Variants in ST6GALNAC3 observed in about 807,000 individuals in gnomAD.
ST6GALNAC3 encodes the protein ST6 N-acetylgalactosaminide alpha-2,6-sialyltransferase 3.
In ST6GALNAC3, 25 loss-of-function variants were observed where a neutral mutation model predicts 32.7. That is an observed-to-expected ratio of 0.76 (90% confidence interval 0.56 to 1.07). The LOEUF (loss-of-function observed/expected upper bound fraction) is 1.07. ST6GALNAC3 is among the 50% of genes least tolerant of loss of function. ST6GALNAC3 has a pLI of 0.00. For missense variants in ST6GALNAC3, 355 were observed against 382.4 expected, an observed-to-expected ratio of 0.93 and a Z score of 0.60; for synonymous variants, 129 against 133.1, an observed-to-expected ratio of 0.97 and a Z score of 0.21.
intron 3 of ST6GALNAC3, among the ~76,000 whole-genome samples, chr1:76,524,085 GT>G (rs1262385265): frequency 6.6e-6 from 1 of 151,846 alleles, no homozygotes; most frequent in Non-Finnish European, 1.5e-5. Flanking sequence ...TTTTGTGTTT[GT>G]TTTGTTTTAA....
At chr1:76,623,934 C>T (rs945942540) in intron 3 of ST6GALNAC3, among the ~76,000 whole-genome samples, 5 of 151,864 alleles carry the variant, frequency 3.3e-5, no homozygotes, top group African/African-American at 4.8e-5. Context: ...TGGATTCATC[C>T]AGAAGTTGTC....
intron 2 of ST6GALNAC3, among the ~76,000 whole-genome samples, chr1:76,336,898 T>C (rs897279964): frequency 1.3e-5 from 2 of 152,116 alleles, no homozygotes; most frequent in African/African-American, 4.8e-5. Context: ...TCTTAGTTGC[T>C]CCCCCTCCTC....
chr1:76,601,201 CAAA>C (rs1435156698), intron 3 of ST6GALNAC3, among the ~76,000 whole-genome samples: 1 of 151,298 alleles, frequency 6.6e-6, no homozygotes, highest in Non-Finnish European at 1.5e-5. Flanking sequence ...CTGTCAAAAA[CAAA>C]GAAGGAAGGA....
intron 2 of ST6GALNAC3, among the ~76,000 whole-genome samples, chr1:76,380,413 A>T (rs10782617): frequency 6.6e-6 from 1 of 152,092 alleles, no homozygotes; most frequent in East Asian, 1.9e-4. Context: ...TGCTATTGTT[A>T]GAATTGAACA....
intron 2 of ST6GALNAC3, among the ~76,000 whole-genome samples, chr1:76,356,434 TA>T (rs3079481): frequency 2.8e-4 from 34 of 120,366 alleles, no homozygotes; most frequent in African/African-American, 3.3e-4. Flanking sequence ...ACAGTAGGGT[TA>T]AAAAAAAAAA....
intron 1 of ST6GALNAC3, among the ~76,000 whole-genome samples, chr1:76,229,733 G>A (rs1407587199): frequency 6.6e-6 from 1 of 152,140 alleles, no homozygotes; most frequent in African/African-American, 2.4e-5. Context: ...TGGGGTGGGG[G>A]CTGTGGCTGA....
intron 1 of ST6GALNAC3, among the ~76,000 whole-genome samples, chr1:76,300,648 A>C (rs1001716458): frequency 4.6e-5 from 7 of 152,134 alleles, no homozygotes; most frequent in East Asian, 3.9e-4. Context: ...CATTATGTTG[A>C]GAGGATTCTG....
intron 1 of ST6GALNAC3, chr1:76,309,890 G>A (rs185703499): frequency 2.8e-4 from 129 of 453,264 alleles, no homozygotes; most frequent in African/African-American, 2.5e-3. Context: ...GCAGACATGG[G>A]TTGCCAGGGA....
intron 1 of ST6GALNAC3, among the ~76,000 whole-genome samples, chr1:76,306,687 G>A (rs1338027371): frequency 1.3e-4 from 10 of 78,186 alleles, no homozygotes; most frequent in Admixed American, 2.5e-4. Flanking sequence ...TTTGGGGGGC[G>A]GGGGGTGCAG....
intron 1 of ST6GALNAC3, among the ~76,000 whole-genome samples, chr1:76,240,968 T>C (rs1049442702): frequency 6.6e-6 from 1 of 152,192 alleles, no homozygotes; most frequent in African/African-American, 2.4e-5. Flanking sequence ...ATATAATCTT[T>C]TTATTTACCT....
intron 3 of ST6GALNAC3, among the ~76,000 whole-genome samples, chr1:76,503,624 G>T (rs573343522): frequency 6.6e-6 from 1 of 152,304 alleles, no homozygotes; most frequent in African/African-American, 2.4e-5. Flanking sequence ...AAGGAGCTTT[G>T]AGAAAGCTGG....
At chr1:76,396,053 A>T (rs1486808315) in intron 2 of ST6GALNAC3, among the ~76,000 whole-genome samples, 2 of 152,244 alleles carry the variant, frequency 1.3e-5, no homozygotes, top group African/African-American at 4.8e-5. Context: ...CATTCTATGC[A>T]TGCAACAAAA....
At chr1:76,371,645 C>T (rs940420402) in intron 2 of ST6GALNAC3, among the ~76,000 whole-genome samples, 10 of 152,292 alleles carry the variant, frequency 6.6e-5, no homozygotes, top group South Asian at 4.1e-4. Flanking sequence ...GAGATTCTCT[C>T]GTATCTGAAC....
chr1:76,337,955 C>A (rs968407496), intron 2 of ST6GALNAC3, among the ~76,000 whole-genome samples: 2 of 152,148 alleles, frequency 1.3e-5, no homozygotes, highest in Non-Finnish European at 2.9e-5. Context: ...GTCACACAGG[C>A]GCTCCAGGGC....
intron 1 of ST6GALNAC3, among the ~76,000 whole-genome samples, chr1:76,123,322 T>C (rs900553816): frequency 2.0e-5 from 3 of 146,610 alleles, no homozygotes; most frequent in Admixed American, 7.1e-5. Flanking sequence ...GAGGTTGCAC[T>C]GAGCCGAGAT....
intron 3 of ST6GALNAC3, among the ~76,000 whole-genome samples, chr1:76,616,010 G>GA (rs1252677518): frequency 6.6e-6 from 1 of 152,070 alleles, no homozygotes; most frequent in African/African-American, 2.4e-5. Context: ...AAATTATTGT[G>GA]AAAAAAAGGA....
intron 2 of ST6GALNAC3, among the ~76,000 whole-genome samples, chr1:76,360,039 T>C (rs983802154): frequency 6.6e-6 from 1 of 152,226 alleles, no homozygotes; most frequent in Admixed American, 6.5e-5. Flanking sequence ...AAGAAATTGG[T>C]AACTAATAGT....
intron 3 of ST6GALNAC3, among the ~76,000 whole-genome samples, chr1:76,449,900 T>C (rs972952602): frequency 1.3e-5 from 2 of 152,122 alleles, no homozygotes; most frequent in African/African-American, 4.8e-5. Flanking sequence ...TATCTAAGAT[T>C]TTGGTGCACC....
chr1:76,151,960 C>T (rs762756653), intron 1 of ST6GALNAC3, among the ~76,000 whole-genome samples: 6 of 152,256 alleles, frequency 3.9e-5, no homozygotes, highest in Middle Eastern at 3.4e-3. Flanking sequence ...TGCTGCAGTG[C>T]CCTTTCCACT....
Sources: allele counts gnomAD v4.1 joint callset (sites outside exome capture counted in the v4.1 genomes callset), GRCh38; gene constraint gnomAD v4.1.1; transcripts MANE v1.5; gene names NCBI Gene and HGNC (gene_info 2026-07-23, HGNC 2026-07-21).